The following RMDN2 variants were observed in gnomAD, a reference collection of about 807,000 sequenced individuals.
RMDN2 encodes regulator of microtubule dynamics 2, also known as regulator of microtubule dynamics protein 2.
Under a neutral mutation model 52.8 loss-of-function variants are expected in RMDN2, and 61 were observed. That is an observed-to-expected ratio of 1.16 (90% CI 0.94 to 1.43). RMDN2 has a LOEUF of 1.43. RMDN2 is among the 40% of genes most tolerant of loss of function. The pLI is 0.00. For missense variants in RMDN2, 592 were observed against 475.3 expected (o/e 1.25, Z -2.28); for synonymous variants, 180 against 153.1 (o/e 1.18, Z -1.30).
At chr2:38,040,126 A>C (rs1680865741) in intron 10 of RMDN2, among the ~76,000 whole-genome samples, 1 of 150,782 alleles carries the variant, frequency 6.6e-6, no homozygotes, top group African/African-American at 2.4e-5. Context: ...ACTTGTTAAA[A>C]GACTAGTCTT....
intron 8 of RMDN2, among the ~76,000 whole-genome samples, chr2:38,003,382 A>G (rs926288832): frequency 6.6e-6 from 1 of 152,114 alleles, no homozygotes; most frequent in Non-Finnish European, 1.5e-5. Context: ...GTGAAATCCC[A>G]TCTCTATTAA....
chr2:37,986,826 T>C (rs2125119370), intron 5 of RMDN2, among the ~76,000 whole-genome samples: 1 of 152,102 alleles, frequency 6.6e-6, no homozygotes, highest in Non-Finnish European at 1.5e-5. Flanking sequence ...TTCCTCAACT[T>C]GATAAAGAAC....
intron 2 of RMDN2, among the ~76,000 whole-genome samples, chr2:37,945,158 G>A (rs1668121118): frequency 6.6e-6 from 1 of 152,150 alleles, no homozygotes; most frequent in Non-Finnish European, 1.5e-5. Context: ...GCTTGAAAAG[G>A]TTAAGCTCTT....
intron 7 of RMDN2, among the ~76,000 whole-genome samples, 195 bp downstream of exon 7, chr2:37,991,492 T>C (rs1374329309): frequency 6.6e-6 from 1 of 151,874 alleles, no homozygotes; most frequent in Non-Finnish European, 1.5e-5. Context: ...ATTATAATTT[T>C]AAAAGCTATA....
chr2:37,939,408 C>T (rs183980778), intron 2 of RMDN2, among the ~76,000 whole-genome samples: 19 of 152,100 alleles, frequency 1.2e-4, no homozygotes, highest in East Asian at 5.8e-4. Context: ...CTATTAGGTC[C>T]GCTTGGTTCA....
intron 10 of RMDN2, chr2:38,012,586 T>C (rs1420977177): frequency 2.1e-6 from 1 of 469,078 alleles, no homozygotes; most frequent in Non-Finnish European, 4.4e-6. Context: ...TTTCTCACAT[T>C]GCATTTTTTT....
At chr2:37,957,944 C>A (rs188019824) in intron 2 of RMDN2, among the ~76,000 whole-genome samples, 12 of 152,172 alleles carry the variant, frequency 7.9e-5, no homozygotes, top group Non-Finnish European at 2.9e-5. Flanking sequence ...TGTCAAAGAT[C>A]AGGTGGTTGT....
chr2:38,051,914 T>TTA (rs1473001174), intron 10 of RMDN2, among the ~76,000 whole-genome samples: 5 of 152,220 alleles, frequency 3.3e-5, no homozygotes, highest in African/African-American at 1.2e-4. Context: ...TTAAATCCAT[T>TTA]CGTCTGTTGA....
chr2:37,994,890 G>A (rs941134954), intron 7 of RMDN2, among the ~76,000 whole-genome samples: 4 of 152,164 alleles, frequency 2.6e-5, no homozygotes, highest in African/African-American at 9.7e-5. Context: ...AAAGCATTAT[G>A]CCGAGAAAGC....
At chr2:38,001,559 A>G (rs1255785260) in intron 8 of RMDN2, among the ~76,000 whole-genome samples, 1 of 152,234 alleles carries the variant, frequency 6.6e-6, no homozygotes, top group Non-Finnish European at 1.5e-5. Flanking sequence ...ACTTTAGTTA[A>G]CTAAACATGG....
intron 10 of RMDN2, among the ~76,000 whole-genome samples, chr2:38,006,060 A>C (rs1677036220): frequency 6.6e-6 from 1 of 152,112 alleles, no homozygotes; most frequent in South Asian, 2.1e-4. Context: ...CCATTGGTCT[A>C]TATCTCTGTT....
At chr2:37,951,601 C>A in intron 2 of RMDN2, 1 of 1,613,430 alleles carries the variant, frequency 6.2e-7, no homozygotes, top group Non-Finnish European at 8.5e-7. Flanking sequence ...CGTTTCTCAT[C>A]CCGTAAACTA....
intron 5 of RMDN2, among the ~76,000 whole-genome samples, chr2:37,988,960 G>T (rs1674401515): frequency 1.3e-5 from 2 of 152,136 alleles, no homozygotes; most frequent in Non-Finnish European, 2.9e-5. Flanking sequence ...TTTCCAGGAA[G>T]GGTTGAAGGA....
intron 10 of RMDN2, among the ~76,000 whole-genome samples, chr2:38,042,424 C>CCA (rs1553388802): frequency 3.2e-4 from 32 of 100,834 alleles, no homozygotes; most frequent in South Asian, 7.5e-4. Context: ...CACACACACA[C>CCA]CACACACACA....
chr2:37,932,551 A>C (rs1308729033), intron 2 of RMDN2, among the ~76,000 whole-genome samples: 2 of 151,392 alleles, frequency 1.3e-5, no homozygotes, highest in South Asian at 4.2e-4. Flanking sequence ...CATTGTCATC[A>C]TGGCCCATTC....
chr2:37,954,104 T>TA lies in RMDN2; in HGVS notation c.453-19930dup, dbSNP rs556010164. Among the ~76,000 whole-genome samples, 27 of 152,148 alleles carry TA rather than the reference T, an allele frequency of 1.8e-4. No homozygotes were observed. In the East Asian group the frequency reaches 5.2e-3, roughly 29 times the overall value. On this transcript the variant is annotated intron_variant, in intron 2 of 10. Transcript: ENST00000354545. ...TTATATATTTTGGATATTAACCCTT[T>TA]AAAAAAGATATAATTTGCAAATATT...
At chr2:38,018,600 C>T (rs986039322), downstream of RMDN2, among the ~76,000 whole-genome samples, 1 of 152,078 alleles carries the variant, frequency 6.6e-6, no homozygotes, top group East Asian at 1.9e-4. Context: ...AGTGCAAGTA[C>T]AAGTCAAAAA....
intron 2 of RMDN2, among the ~76,000 whole-genome samples, chr2:37,947,439 C>G (rs1182813224): frequency 6.6e-6 from 1 of 152,088 alleles, no homozygotes; most frequent in Non-Finnish European, 1.5e-5. Flanking sequence ...AACATTTGTG[C>G]TAAATTCATT....
In RMDN2 at chr2:37,962,745, G is replaced by GA. The variant is rs1291492391; in HGVS notation, c.453-11283dup. On this transcript the variant is annotated intron_variant, in intron 2 of 10. Coordinates refer to ENST00000354545, the MANE Select transcript of RMDN2 (RefSeq NM_001170791.3). Reference sequence around the variant, plus strand: ...CACACCCCAGATGTGACTGGGGTACGAAAAAAAAAAAACTTCTGCAGCTAC... The same window carrying GA: ...CACACCCCAGATGTGACTGGGGTACGAAAAAAAAAAAAACTTCTGCAGCTAC... Among the ~76,000 whole-genome samples, 505 of 144,838 alleles carry GA rather than the reference G, an allele frequency of 3.5e-3. 13 individuals are homozygous for GA. In the East Asian group the frequency reaches 0.07, roughly 20 times the overall value.
Sources: gnomAD v4.1 joint callset for allele counts (sites outside exome capture counted in the v4.1 genomes callset) on GRCh38, gnomAD v4.1.1 for gene constraint, MANE v1.5 for transcripts, NCBI Gene and HGNC (gene_info 2026-07-23, HGNC 2026-07-21) for gene names.